The following PRKCE variants were observed in gnomAD, a reference collection of about 807,000 sequenced individuals.
PRKCE encodes the protein protein kinase C epsilon.
Under a neutral mutation model 85.4 loss-of-function variants are expected in PRKCE, and 16 were observed. That is an observed-to-expected ratio of 0.19 (90% CI 0.13 to 0.28). The LOEUF is 0.28. Ranked by LOEUF, PRKCE falls within the 10% of genes least tolerant of loss-of-function variation. The pLI is 1.00. For synonymous variants in PRKCE, 388 were observed against 371.5 expected (o/e 1.04, Z -0.51); for missense variants, 573 against 975.2 (o/e 0.59, Z 5.49).
At chr2:45,989,976 T>G (rs1703659081) in intron 6 of PRKCE, among the ~76,000 whole-genome samples, 1 of 152,234 alleles carries the variant, frequency 6.6e-6, no homozygotes, top group Non-Finnish European at 1.5e-5. Flanking sequence ...TGTCCTCTTT[T>G]TGTGTGCCTT....
At chr2:45,918,886 G>C (rs1698035442) in intron 2 of PRKCE, among the ~76,000 whole-genome samples, 1 of 152,214 alleles carries the variant, frequency 6.6e-6, no homozygotes, top group Non-Finnish European at 1.5e-5. Context: ...AGAGGTTGGA[G>C]GGTCTCACAG....
intron 6 of PRKCE, among the ~76,000 whole-genome samples, chr2:45,991,191 G>A (rs567238040): frequency 6.6e-6 from 1 of 151,566 alleles, no homozygotes; most frequent in African/African-American, 2.4e-5. Context: ...ATTTTTAGTA[G>A]AGATGGGGTT....
At chr2:46,106,039 T>C (rs1391489198) in intron 11 of PRKCE, among the ~76,000 whole-genome samples, 3 of 152,230 alleles carry the variant, frequency 2.0e-5, no homozygotes, top group African/African-American at 7.2e-5. Flanking sequence ...CATACCTAAC[T>C]TGTGCTTAAC....
chr2:45,683,669 T>G (rs1677075108), intron 1 of PRKCE, among the ~76,000 whole-genome samples: 1 of 152,148 alleles, frequency 6.6e-6, no homozygotes, highest in Non-Finnish European at 1.5e-5. Context: ...TATGGCAAGT[T>G]CAGAAGACAT....
At chr2:46,028,184 C>T (rs571142972) in intron 10 of PRKCE, among the ~76,000 whole-genome samples, 8 of 152,234 alleles carry the variant, frequency 5.3e-5, no homozygotes, top group South Asian at 2.1e-4. Context: ...TCAAGTGATC[C>T]GCCCGTCTCA....
At chr2:45,805,683 G>C (rs367606462) in intron 1 of PRKCE, among the ~76,000 whole-genome samples, 17 of 149,026 alleles carry the variant, frequency 1.1e-4, no homozygotes, top group African/African-American at 4.2e-4. Context: ...TGCAACCTCC[G>C]CCTCCCGGGT....
intron 10 of PRKCE, among the ~76,000 whole-genome samples, chr2:46,025,456 A>C (rs1383279252): frequency 6.6e-6 from 1 of 152,216 alleles, no homozygotes; most frequent in Non-Finnish European, 1.5e-5. Flanking sequence ...CTGCTGGTCC[A>C]CCTAGGGAGG....
chr2:45,960,736 G>A (rs186209613), intron 2 of PRKCE, among the ~76,000 whole-genome samples: 10 of 152,206 alleles, frequency 6.6e-5, no homozygotes, highest in Non-Finnish European at 1.2e-4. Flanking sequence ...CTAACATCCC[G>A]TTTTCAGTGG....
intron 1 of PRKCE, among the ~76,000 whole-genome samples, chr2:45,815,784 T>C (rs1170216327): frequency 6.6e-6 from 1 of 152,210 alleles, no homozygotes. Flanking sequence ...TCACTACTTC[T>C]AGTAACTCCT....
chr2:45,799,690 C>G (rs954562224), intron 1 of PRKCE, among the ~76,000 whole-genome samples: 1 of 152,172 alleles, frequency 6.6e-6, no homozygotes, highest in Non-Finnish European at 1.5e-5. Context: ...AAATCTGATA[C>G]TTTTTAAAGC....
At chr2:45,744,517 T>C (rs1177740185) in intron 1 of PRKCE, among the ~76,000 whole-genome samples, 2 of 60,550 alleles carry the variant, frequency 3.3e-5, no homozygotes, top group Non-Finnish European at 7.4e-5. Context: ...TCTTTCTTTC[T>C]TTCTTTCTTT....
chr2:45,654,540 G>A (rs983320190), intron 1 of PRKCE, among the ~76,000 whole-genome samples: 2 of 152,216 alleles, frequency 1.3e-5, no homozygotes, highest in Non-Finnish European at 2.9e-5. Context: ...CTGATGGGGA[G>A]CCGAGCCTGC....
intron 2 of PRKCE, among the ~76,000 whole-genome samples, chr2:45,891,212 A>G (rs775742198): frequency 6.6e-6 from 1 of 152,224 alleles, no homozygotes; most frequent in Non-Finnish European, 1.5e-5. Context: ...AGCCTTTACC[A>G]ATATAGAACT....
intron 1 of PRKCE, among the ~76,000 whole-genome samples, chr2:45,804,146 G>A (rs1443288740): frequency 6.6e-6 from 1 of 152,200 alleles, no homozygotes; most frequent in African/African-American, 2.4e-5. Flanking sequence ...CTTAATGCAT[G>A]ACTCTAGTGG....
At chr2:46,008,073 G>A (rs1209307200) in intron 9 of PRKCE, among the ~76,000 whole-genome samples, 2 of 152,180 alleles carry the variant, frequency 1.3e-5, no homozygotes, top group Non-Finnish European at 2.9e-5. Flanking sequence ...ATGAATCTCT[G>A]CCCTCAGCAA....
chr2:45,655,704 T>A (rs2103697058), intron 1 of PRKCE, among the ~76,000 whole-genome samples: 1 of 152,096 alleles, frequency 6.6e-6, no homozygotes, highest in African/African-American at 2.4e-5. Context: ...TGCGGTGTGG[T>A]GTGTGCCTGT....
chr2:45,816,172 G>A (rs550050474), intron 1 of PRKCE, among the ~76,000 whole-genome samples: 3 of 152,250 alleles, frequency 2.0e-5, no homozygotes, highest in East Asian at 1.9e-4. Flanking sequence ...CTGGCACTGC[G>A]TCATACAGAA....
chr2:46,091,275 G>A (rs1343354728), intron 11 of PRKCE, among the ~76,000 whole-genome samples: 3 of 152,176 alleles, frequency 2.0e-5, no homozygotes, highest in Admixed American at 1.3e-4. Flanking sequence ...TAGGCACTGT[G>A]GGAGGTTTTT....
chr2:45,863,004 T>C (rs1693293243), intron 2 of PRKCE, among the ~76,000 whole-genome samples: 2 of 152,292 alleles, frequency 1.3e-5, no homozygotes, highest in South Asian at 4.2e-4. Context: ...CTACTTGCTG[T>C]GGCCCCACTG....
Sources: allele counts gnomAD v4.1 joint callset (sites outside exome capture counted in the v4.1 genomes callset), GRCh38; gene constraint gnomAD v4.1.1; transcripts MANE v1.5; gene names NCBI Gene and HGNC (gene_info 2026-07-23, HGNC 2026-07-21).